S100A12: variants seen among roughly 807,000 people sequenced by gnomAD.
The protein encoded by S100A12 is protein S100-A12.
Under a neutral mutation model 4.0 loss-of-function variants are expected in S100A12, and 3 were observed. The observed-to-expected ratio is 0.75, with a 90% CI of 0.34 to 1.94. The LOEUF is 1.94. S100A12 is among the 30% of genes most tolerant of loss of function. The pLI, the probability that S100A12 is intolerant of heterozygous loss-of-function variation, is 0.07. For missense variants in S100A12, 122 were observed against 107.0 expected, an observed-to-expected ratio of 1.14 and a Z score of -0.62; for synonymous variants, 50 against 41.4, an observed-to-expected ratio of 1.21 and a Z score of -0.79.
At position 153,374,613 on chromosome 1, in the gene S100A12, C is replaced by T; in HGVS notation, c.-20-1G>A. ...GTCATCTTCCCAGCCTAATGTTAAC[C>T]TTCAAGGAAACAAGGGAAGTCTAGA... On this transcript the variant is annotated splice_acceptor_variant, in intron 1 of 2. Coordinates refer to ENST00000368737, the MANE Select transcript of S100A12 (RefSeq NM_005621.2). LOFTEE classifies it low-confidence loss of function (5UTR_SPLICE). 1 of 1,608,496 alleles carries T rather than the reference C, an allele frequency of 6.2e-7. No individual in the cohort carries two copies. Among genetic ancestry groups the T allele is most frequent in the South Asian group, 1.1e-5 (1 of 90,660 alleles).
Position 153,373,794 on chromosome 1 carries a change from A to G in S100A12, c.*33T>C. On this transcript the variant is annotated 3_prime_UTR_variant, in exon 3 of 3. Transcript: ENST00000368737. ...GGGAAAGAAAAGACCCTCATTGAGG[A>G]CATTGCTGGGTAAAAAGCCTTCAGA... 4 of 1,596,472 alleles carry G rather than the reference A, an allele frequency of 2.5e-6. No homozygotes were observed. The highest frequency in any genetic ancestry group is 1.1e-5 in the South Asian group (1 of 90,580).
chr1:153,373,953 T>C lies in S100A12; in HGVS notation c.153A>G (p.Lys51=), dbSNP rs1037031045. 1.2e-6 allele frequency: 2 copies of C among 1,613,696 alleles called. No homozygotes were observed. The highest frequency in any genetic ancestry group is 2.7e-5 in the African/African-American group (2 of 75,048). Residue 51 remains lysine, a synonymous_variant, in exon 3 of 3, where the codon AAA becomes AAG. Transcript: ENST00000368737. ...CTTGGAATATTTCATCAATGACAGC[T>C]TTATCTTTGATATTCTAGGAAAAAA... The part of the protein sequence containing the change: ...LANTIKNIKD[K]AVIDEIFQGL...
chr1:153,373,908 A>G lies in S100A12; in HGVS notation c.198T>C (p.Asp66=), dbSNP rs762120597. 48 of 1,612,908 alleles carry G rather than the reference A, an allele frequency of 3.0e-5. No homozygotes were observed. The highest frequency in any genetic ancestry group is 3.4e-5 in the Non-Finnish European group (40 of 1,178,982). The change falls in exon 3 of 3, where the codon GAT becomes GAC. Residue 66 remains aspartate, a synonymous_variant. Transcript: ENST00000368737. ...TGAATTCTTGAAAGTCGACCTGTTC[A>G]TCTTGATTAGCATCCAGGCCTTGGA... ...EIFQGLDANQ[D]EQVDFQEFIS...
At position 153,374,627 on chromosome 1, in the gene S100A12, G is replaced by A; in HGVS notation, c.-20-15C>T. ...CTAATGTTAACCTTCAAGGAAACAA[G>A]GGAAGTCTAGAGGCAGTTTCTCCCC... On this transcript the variant is annotated splice_polypyrimidine_tract_variant and intron_variant, in intron 1 of 2. Transcript: ENST00000368737. The A allele has an allele frequency of 6.3e-7, 1 of 1,599,310 alleles. No homozygotes were observed. Among genetic ancestry groups the A allele is most frequent in the Non-Finnish European group, 8.5e-7 (1 of 1,170,052 alleles).
intron 1 of S100A12, 56 bp downstream of exon 1, chr1:153,375,496 C>T (rs1162481674): frequency 2.0e-5 from 3 of 152,308 alleles, no homozygotes; most frequent in Non-Finnish European, 4.4e-5. Flanking sequence ...AAGTGGTCAC[C>T]TGCAGTCACT....
rs368146536 is a variant in S100A12, at chr1:153,374,531, C to T, written c.62G>A (p.Arg21Gln). The part of the protein sequence containing the change: ...IVNIFHQYSV[R>Q]KGHFDTLSKG... ...AGAGAGGGTGTCAAAATGCCCCTTC[C>T]GAACTGAGTATTGGTGGAAGATATT... Residue 21 changes from arginine to glutamine, a missense_variant, in exon 2 of 3, where the codon CGG (arginine) becomes CAG (glutamine). Arg to Gln is a conservative substitution (Grantham distance 43). Coordinates refer to ENST00000368737, the MANE Select transcript of S100A12 (RefSeq NM_005621.2). The T allele has an allele frequency of 2.5e-5, 41 of 1,613,898 alleles. No homozygotes were observed. In the East Asian group the frequency reaches 3.8e-4, roughly 15 times the overall value.
Position 153,373,887 on chromosome 1 carries a change from T to C in S100A12, c.219A>G (p.Glu73=). Residue 73 remains glutamate, a synonymous_variant, in exon 3 of 3, where the codon GAA becomes GAG. Coordinates refer to ENST00000368737, the MANE Select transcript of S100A12 (RefSeq NM_005621.2). ...ANQDEQVDFQ[E]FISLVAIALK... ...GCGCAATGGCTACCAGGGATATGAATTCTTGAAAGTCGACCTGTTCATCTT... is the reference window on the plus strand; with the variant it reads ...GCGCAATGGCTACCAGGGATATGAACTCTTGAAAGTCGACCTGTTCATCTT... 1 of 1,613,282 alleles carries C rather than the reference T, an allele frequency of 6.2e-7. No homozygotes were observed. The highest frequency in any genetic ancestry group is 1.1e-5 in the South Asian group (1 of 91,056).
intron 1 of S100A12, among the ~76,000 whole-genome samples, chr1:153,375,162 C>T (rs1315034534): frequency 6.6e-6 from 1 of 152,068 alleles, no homozygotes; most frequent in East Asian, 1.9e-4. Context: ...TTCTCCTGCC[C>T]CAGCCTCCCG....
rs752601679 is a variant in S100A12 at position 153,373,925 on chromosome 1, G to A, written c.181C>T (p.Leu61=). 9.9e-6 allele frequency: 16 copies of A among 1,613,008 alleles called. No homozygotes were observed. In the Admixed American group the frequency reaches 1.5e-4, roughly 15 times the overall value. ...ACCTGTTCATCTTGATTAGCATCCA[G>A]GCCTTGGAATATTTCATCAATGACA... ...KAVIDEIFQG[L]DANQDEQVDF... Residue 61 remains leucine, a synonymous_variant, in exon 3 of 3, where the codon CTG becomes TTG. Coordinates refer to ENST00000368737, the MANE Select transcript of S100A12 (RefSeq NM_005621.2).
chr1:153,374,037 T>C, intron 2 of S100A12, 70 bp from the exon 3 acceptor site: 2 of 1,458,960 alleles, frequency 1.4e-6, no homozygotes, highest in South Asian at 2.3e-5. Context: ...AGGCCTCTTA[T>C]CCCTCAGAGC....
chr1:153,374,340 C>T (rs1389023058), intron 2 of S100A12, 115 bp downstream of exon 2: 1 of 1,039,540 alleles, frequency 9.6e-7, no homozygotes, highest in Non-Finnish European at 1.4e-6. Context: ...CCTTTGGGAG[C>T]TCAAACTGGG....
chr1:153,374,174 T>C, intron 2 of S100A12: 1 of 699,714 alleles, frequency 1.4e-6, no homozygotes, highest in South Asian at 1.5e-5. Context: ...ACCTGGAAGG[T>C]ACTCTTCTGC....
intron 1 of S100A12, among the ~76,000 whole-genome samples, chr1:153,374,826 C>T (rs1394743143): frequency 6.6e-6 from 1 of 152,126 alleles, no homozygotes; most frequent in Non-Finnish European, 1.5e-5. Flanking sequence ...CTAAAAAAAT[C>T]AGCCTCAGTT....
chr1:153,374,958 C>T (rs1033965120), intron 1 of S100A12, among the ~76,000 whole-genome samples: 5 of 152,344 alleles, frequency 3.3e-5, no homozygotes, highest in Admixed American at 1.3e-4. Flanking sequence ...GGTGATGGCA[C>T]TATGGCCACA....
chr1:153,374,063 C>T (rs773763781), intron 2 of S100A12, 96 bp from the exon 3 acceptor site: 1 of 1,127,028 alleles, frequency 8.9e-7, no homozygotes, highest in Admixed American at 1.7e-5. Flanking sequence ...TTGTGAAGGC[C>T]CAGGCACATT....
intron 1 of S100A12, among the ~76,000 whole-genome samples, 182 bp downstream of exon 1, chr1:153,375,370 G>A (rs1661711136): frequency 6.6e-6 from 1 of 152,136 alleles, no homozygotes; most frequent in Non-Finnish European, 1.5e-5. Context: ...CTTAAATCAT[G>A]GGACTGAGTC....
At chr1:153,373,995 G>A in intron 2 of S100A12, 28 bp from the exon 3 acceptor site, 1 of 1,611,470 alleles carries the variant, frequency 6.2e-7, no homozygotes, top group Non-Finnish European at 8.5e-7. Flanking sequence ...CAGAGACCTT[G>A]AGTTCAGAAC....
At position 153,373,880 on chromosome 1, in the gene S100A12, A is replaced by G. The variant is rs772559728; in HGVS notation, c.226T>C (p.Ser76Pro). The G allele has an allele frequency of 1.9e-6, 3 of 1,613,420 alleles. No homozygotes were observed. The highest frequency in any genetic ancestry group is 2.2e-5 in the South Asian group (2 of 91,058). ...GCCTTCAGCGCAATGGCTACCAGGGATATGAATTCTTGAAAGTCGACCTGT... is the reference window on the plus strand; with the variant it reads ...GCCTTCAGCGCAATGGCTACCAGGGGTATGAATTCTTGAAAGTCGACCTGT... The part of the protein sequence containing the change: ...DEQVDFQEFI[S>P]LVAIALKAAH... The change falls in exon 3 of 3, where the codon TCC becomes CCC. Residue 76 changes from serine (S) to proline (P), a missense_variant. Physicochemically the swap from Ser to Pro is moderately conservative, Grantham distance 74. Coordinates refer to ENST00000368737, the MANE Select transcript of S100A12 (RefSeq NM_005621.2).
Sources: gnomAD v4.1 joint callset for allele counts (sites outside exome capture counted in the v4.1 genomes callset) on GRCh38, gnomAD v4.1.1 for gene constraint, MANE v1.5 for transcripts, NCBI Gene and HGNC (gene_info 2026-07-23, HGNC 2026-07-21) for gene names.